TENM4: variants seen among roughly 807,000 people sequenced by gnomAD.
TENM4 encodes teneurin-4.
TENM4 carries 82 observed loss-of-function variants against 243.3 expected under a neutral mutation model. The observed-to-expected ratio is 0.34, with a 90% CI of 0.28 to 0.40. The LOEUF (loss-of-function observed/expected upper bound fraction) is 0.40, where lower values mean the gene tolerates loss of function less well. TENM4 is among the 10% of genes least tolerant of loss of function. The pLI is 1.00. For synonymous variants in TENM4, 1,412 were observed against 1,456.3 expected (o/e 0.97, Z 0.69); for missense variants, 3,138 against 3,673.3 (o/e 0.85, Z 3.77).
At chr11:79,044,913 GT>G (rs948571970) in intron 6 of TENM4, among the ~76,000 whole-genome samples, 3 of 152,038 alleles carry the variant, frequency 2.0e-5, no homozygotes, top group African/African-American at 7.2e-5. Context: ...GCCCTGGGTT[GT>G]TTTTTTAAAG....
chr11:78,827,110 A>G (rs1173314686), intron 12 of TENM4, among the ~76,000 whole-genome samples: 1 of 152,268 alleles, frequency 6.6e-6, no homozygotes. Context: ...TAGAAATTCA[A>G]TATCACTATG....
At chr11:78,779,038 G>A (rs1376819172) in intron 16 of TENM4, among the ~76,000 whole-genome samples, 1 of 152,240 alleles carries the variant, frequency 6.6e-6, no homozygotes, top group African/African-American at 2.4e-5. Context: ...CTCCCTACAG[G>A]TGAAGCAGCC....
intron 4 of TENM4, among the ~76,000 whole-genome samples, chr11:79,108,212 T>A (rs78966764): frequency 0.052 from 7,846 of 152,256 alleles, 283 homozygotes; most frequent in Non-Finnish European, 0.079. Context: ...GTGAAGATAC[T>A]TTGCAGATGT....
At chr11:78,661,656 A>AT in intron 32 of TENM4, 65 bp from the exon 33 acceptor site, 1 of 1,577,100 alleles carries the variant, frequency 6.3e-7, no homozygotes, top group Non-Finnish European at 8.6e-7. Context: ...ACCCATCCCC[A>AT]TCTCACAGCC....
chr11:78,829,919 G>A (rs1012367555), intron 12 of TENM4, among the ~76,000 whole-genome samples: 21 of 152,284 alleles, frequency 1.4e-4, no homozygotes, highest in African/African-American at 4.8e-4. Flanking sequence ...ATAAGAGGGA[G>A]CCTGGATCTT....
intron 18 of TENM4, among the ~76,000 whole-genome samples, chr11:78,765,706 T>C (rs1188129826): frequency 6.6e-6 from 1 of 152,216 alleles, no homozygotes; most frequent in Admixed American, 6.5e-5. Context: ...GCAAATCATT[T>C]CAGTTCTCTG....
rs758439028 is a variant in TENM4, at chr11:78,891,341, G to A, written c.750-5C>T. The A allele has an allele frequency of 1.5e-5, 24 of 1,550,770 alleles. No individual in the cohort carries two copies. The highest frequency in any genetic ancestry group is 5.5e-5 in the African/African-American group (4 of 73,010). ...AATGGCTGCTTGCCTAGGTTTCTAC[G>A]CACACATGGAGACATGAATGAAGCA... On this transcript the variant is annotated splice_polypyrimidine_tract_variant and splice_region_variant and intron_variant, in intron 7 of 33. Transcript: ENST00000278550.
chr11:78,808,128 A>G (rs1023134588), intron 14 of TENM4, among the ~76,000 whole-genome samples: 5 of 152,236 alleles, frequency 3.3e-5, no homozygotes, highest in African/African-American at 9.6e-5. Flanking sequence ...TGACTTTTAC[A>G]TAAAAGACTG....
chr11:79,047,556 A>C (rs2136924778), intron 6 of TENM4, among the ~76,000 whole-genome samples: 1 of 152,294 alleles, frequency 6.6e-6, no homozygotes, highest in African/African-American at 2.4e-5. Context: ...TGGTCCTGGA[A>C]GTGCTCTGTC....
intron 3 of TENM4, among the ~76,000 whole-genome samples, chr11:79,184,199 A>C (rs1235072715): frequency 3.3e-5 from 5 of 152,184 alleles, no homozygotes; most frequent in Admixed American, 6.5e-5. Flanking sequence ...CACATGTTAT[A>C]ATATGGATGG....
At chr11:78,818,752 A>G (rs1857661697) in intron 12 of TENM4, among the ~76,000 whole-genome samples, 1 of 152,086 alleles carries the variant, frequency 6.6e-6, no homozygotes, top group Non-Finnish European at 1.5e-5. Flanking sequence ...GTGTTTGGTG[A>G]ATTTCTTCCC....
rs546120359 is a variant in TENM4, at chr11:79,438,190, C to G, written c.-321+2319G>C. On this transcript the variant is annotated intron_variant, in intron 1 of 33. Transcript: ENST00000278550. The surrounding 1 kb of genome is among the most constrained non-coding windows in gnomAD (Gnocchi z 4.1). ...GGAAGGGAGTTCAGGGCCAATGTGT[C>G]CCAGACTTCAGCGTTCCCCACGGCT... Among the ~76,000 whole-genome samples the G allele has an allele frequency of 6.6e-6, 1 of 152,212 alleles. No individual in the cohort carries two copies. Among genetic ancestry groups the G allele is most frequent in the South Asian group, 2.1e-4 (1 of 4,806 alleles).
At chr11:79,097,156 CT>C (rs1322146278) in intron 4 of TENM4, 8 of 152,332 alleles carry the variant, frequency 5.3e-5, no homozygotes, top group African/African-American at 1.9e-4. Flanking sequence ...ACAGAACAAG[CT>C]GCTAGCCATG....
intron 6 of TENM4, among the ~76,000 whole-genome samples, chr11:79,018,845 G>A (rs1858847506): frequency 6.6e-6 from 1 of 152,216 alleles, no homozygotes; most frequent in South Asian, 2.1e-4. Context: ...GGCTGGCAAA[G>A]ATTATTAAGA....
chr11:79,064,563 A>T (rs1860189586), intron 6 of TENM4, 175 bp downstream of exon 6: 3 of 805,092 alleles, frequency 3.7e-6, no homozygotes, highest in Non-Finnish European at 5.8e-6. Context: ...CATGTCACTC[A>T]TGGGTGGGCA....
intron 3 of TENM4, among the ~76,000 whole-genome samples, chr11:79,211,509 C>T (rs1234276931): frequency 6.6e-6 from 1 of 152,206 alleles, no homozygotes; most frequent in Non-Finnish European, 1.5e-5. Flanking sequence ...TTTCCCTTTT[C>T]ATTCTGGCTT....
chr11:79,135,638 GATATAC>G, intron 4 of TENM4, among the ~76,000 whole-genome samples: 1 of 145,870 alleles, frequency 6.9e-6, no homozygotes, highest in Admixed American at 6.7e-5. Flanking sequence ...AAGTAACTGT[GATATAC>G]ATATCATATA....
chr11:78,688,587 A>G (rs918092218), intron 28 of TENM4, among the ~76,000 whole-genome samples: 2 of 152,282 alleles, frequency 1.3e-5, no homozygotes, highest in Non-Finnish European at 1.5e-5. Context: ...AGAATCTTAG[A>G]ACTGGGAGAC....
rs73496597 is a variant in TENM4, at chr11:78,754,990, C to T, written c.2756+1815G>A. On this transcript the variant is annotated intron_variant, in intron 19 of 33. Transcript: ENST00000278550. ...GGTGGAAAGTGCAGGGGCTCCTTCC[C>T]GAGTCTGACAGACCTGCATGTCTGC... is the stretch of plus-strand genomic sequence containing the variant. Among the ~76,000 whole-genome samples the T allele has an allele frequency of 7.3e-3, 1,106 of 152,284 alleles. 13 individuals carry two copies. Among genetic ancestry groups the T allele is most frequent in the African/African-American group, 0.026 (1,066 of 41,542 alleles).
Sources: gnomAD v4.1 joint callset for allele counts (sites outside exome capture counted in the v4.1 genomes callset) on GRCh38, gnomAD v4.1.1 for gene constraint, Gnocchi (gnomAD v3.1) non-coding constraint, MANE v1.5 for transcripts, NCBI Gene and HGNC (gene_info 2026-07-23, HGNC 2026-07-21) for gene names.